The following PDE2A variants were observed in gnomAD, a reference collection of about 807,000 sequenced individuals.
The protein encoded by PDE2A is cGMP-dependent 3',5'-cyclic phosphodiesterase.
A neutral mutation model predicts 133.6 loss-of-function variants in PDE2A; 53 were observed. The ratio of observed to expected loss-of-function variants is 0.40; its 90% CI spans 0.32 to 0.50. The LOEUF (loss-of-function observed/expected upper bound fraction) is 0.50. Ranked by LOEUF, PDE2A falls within the 20% of genes least tolerant of loss-of-function variation. PDE2A has a pLI of 0.73. For synonymous variants in PDE2A, 491 were observed against 490.2 expected, an observed-to-expected ratio of 1.00 and a Z score of -0.02; for missense variants, 796 against 1,232.4, an observed-to-expected ratio of 0.65 and a Z score of 5.30.
chr11:72,647,992 T>C (rs1310797328), intron 1 of PDE2A, among the ~76,000 whole-genome samples: 1 of 152,062 alleles, frequency 6.6e-6, no homozygotes, highest in Admixed American at 6.5e-5. Flanking sequence ...CAGAAGTGAG[T>C]GTATATTCAC....
intron 12 of PDE2A, 46 bp downstream of exon 12, chr11:72,589,129 G>A: frequency 6.5e-7 from 1 of 1,531,088 alleles, no homozygotes; most frequent in Non-Finnish European, 9.0e-7. Flanking sequence ...GGGGCTGGCA[G>A]TGGGGTCTCC....
chr11:72,616,324 C>G (rs1857471056), intron 2 of PDE2A, among the ~76,000 whole-genome samples: 1 of 152,218 alleles, frequency 6.6e-6, no homozygotes, highest in Non-Finnish European at 1.5e-5. Flanking sequence ...CACTGCCCCC[C>G]TTTCCCCCAC....
rs752930918 is a variant in PDE2A at position 72,588,912 on chromosome 11, C to T, written c.942G>A (p.Glu314=). ...ACATGCTCTGCAGCTGTTGTACATC[C>T]TCCTGCAAAGGCGAGGCAAGTCAGG... The part of the protein sequence containing the change: ...KSIQLKDLTS[E]DVQQLQSMLG... The change falls in exon 13 of 31, where the codon GAG becomes GAA. Residue 314 remains glutamate (E), a splice_region_variant and synonymous_variant. Transcript: ENST00000334456. 5.0e-6 allele frequency: 8 copies of T among 1,600,574 alleles called. No homozygotes were observed. In the East Asian group the frequency reaches 1.3e-4, roughly 27 times the overall value.
intron 3 of PDE2A, 65 bp downstream of exon 3, chr11:72,608,597 A>T: frequency 1.2e-6 from 1 of 812,470 alleles, no homozygotes. Flanking sequence ...AGTGAGGTAC[A>T]GCATAGAGCT....
intron 27 of PDE2A, 38 bp downstream of exon 27, chr11:72,579,246 C>G (rs371170518): frequency 3.4e-6 from 5 of 1,478,044 alleles, no homozygotes. Context: ...CCTGGTTGTT[C>G]CTCCCCAGCC....
chr11:72,580,433 G>A (rs56350365), intron 25 of PDE2A, 144 bp downstream of exon 25: 301,839 of 692,186 alleles, frequency 0.44, 71,450 homozygotes, highest in Middle Eastern at 0.53. Context: ...CCAGGAAAAT[G>A]AGCCAGACAT....
chr11:72,595,711 C>A (rs1856449507), intron 6 of PDE2A, among the ~76,000 whole-genome samples: 1 of 152,164 alleles, frequency 6.6e-6, no homozygotes, highest in African/African-American at 2.4e-5. Context: ...ATGGCAGCCC[C>A]CTCGACAGAA....
chr11:72,580,731 A>C, intron 24 of PDE2A, 107 bp from the exon 25 acceptor site: 1 of 1,066,726 alleles, frequency 9.4e-7, no homozygotes, highest in Non-Finnish European at 1.4e-6. Flanking sequence ...CCTCCTCCCT[A>C]TCTCAGAGCC....
chr11:72,656,432 C>T (rs955638551), intron 1 of PDE2A, among the ~76,000 whole-genome samples: 22 of 152,056 alleles, frequency 1.4e-4, no homozygotes, highest in African/African-American at 5.1e-4. Flanking sequence ...TCCTGAGAGA[C>T]GGAGGAAGGA....
intron 19 of PDE2A, 43 bp downstream of exon 19, chr11:72,584,158 C>T (rs1855848632): frequency 2.4e-6 from 2 of 840,280 alleles, no homozygotes; most frequent in African/African-American, 1.7e-5. Flanking sequence ...TCGTGGGCCC[C>T]GCCCCCTATC....
intron 2 of PDE2A, among the ~76,000 whole-genome samples, chr11:72,617,800 G>C (rs867781744): frequency 6.6e-6 from 1 of 152,156 alleles, no homozygotes; most frequent in Non-Finnish European, 1.5e-5. Flanking sequence ...GGAGAAGAGC[G>C]GGGTCCACCC....
rs757233177 is a variant in PDE2A at position 72,597,664 on chromosome 11, G to A, written c.324-45C>T. The A allele has an allele frequency of 9.1e-6, 12 of 1,318,362 alleles. No homozygotes were observed. Among genetic ancestry groups the A allele is most frequent in the Middle Eastern group, 1.8e-4 (1 of 5,476 alleles). 81.7% of individuals were successfully genotyped at this position (1,318,362 alleles called of 1,614,324 possible). On this transcript the variant is annotated intron_variant, in intron 4 of 30. Transcript: ENST00000334456. This position sits in a 1 kb window ranked among gnomAD's most constrained non-coding sequence, Gnocchi z 4.6. ...CCACCTTGAGAGCCCCCGACTCAGGGAGGAACGAGGCCTGGCCTGGGAACA... is the reference window on the plus strand; with the variant it reads ...CCACCTTGAGAGCCCCCGACTCAGGAAGGAACGAGGCCTGGCCTGGGAACA...
Position 72,629,282 on chromosome 11 carries a change from G to A in PDE2A, c.144+12972C>T, listed in dbSNP as rs555169211. Among the ~76,000 whole-genome samples, 52 of 152,350 alleles carry A rather than the reference G, an allele frequency of 3.4e-4. No homozygotes were observed. The South Asian group carries it at 0.01, about 30-fold the overall frequency. ...AGGGCAGGCAGATGGCCTAGGCAGC[G>A]GGGGCTGCCCCAGAGGCATAGCAGG... is the stretch of plus-strand genomic sequence containing the variant. On this transcript the variant is annotated intron_variant, in intron 2 of 30. Coordinates refer to ENST00000334456, the MANE Select transcript of PDE2A (RefSeq NM_002599.5).
At chr11:72,589,330 A>G in intron 11 of PDE2A, 90 bp from the exon 12 acceptor site, 1 of 948,586 alleles carries the variant, frequency 1.1e-6, no homozygotes, top group Non-Finnish European at 1.7e-6. Context: ...TGGAAGTTTC[A>G]AAGAACCCTT....
chr11:72,601,495 CAGCTT>C (rs1413854936), intron 4 of PDE2A, among the ~76,000 whole-genome samples: 2 of 151,900 alleles, frequency 1.3e-5, no homozygotes, highest in Non-Finnish European at 2.9e-5. Context: ...AAGACCTGGT[CAGCTT>C]AGGGGAAGAA....
Position 72,579,351 on chromosome 11 carries a change from G to A in PDE2A, c.2289C>T (p.Asp763=). ...GGGCCAGGTCTGTGGCCAAGATGAT[G>A]TCCCGCATCAGATCCAGCATGCGCT... ...DYQRMLDLMR[D]IILATDLAHH... Residue 763 remains aspartate (D), a synonymous_variant, in exon 27 of 31, where the codon GAC becomes GAT. Coordinates refer to ENST00000334456, the MANE Select transcript of PDE2A (RefSeq NM_002599.5). The A allele has an allele frequency of 6.2e-7, 1 of 1,613,914 alleles. No individual in the cohort carries two copies. Among genetic ancestry groups the A allele is most frequent in the Middle Eastern group, 1.6e-4 (1 of 6,062 alleles).
intron 1 of PDE2A, among the ~76,000 whole-genome samples, chr11:72,653,728 C>A (rs1454098971): frequency 3.3e-5 from 5 of 152,210 alleles, no homozygotes; most frequent in Non-Finnish European, 7.4e-5. Flanking sequence ...GAGCTGGCCC[C>A]AGTCCTGGGC....
chr11:72,656,802 C>T lies in PDE2A; in HGVS notation c.72-14476G>A, dbSNP rs549049742. 5.3e-5 allele frequency among the ~76,000 whole-genome samples: 8 copies of T among 152,186 alleles called. No individual in the cohort carries two copies. The South Asian group carries it at 1.7e-3, about 32-fold the overall frequency. On this transcript the variant is annotated intron_variant, in intron 1 of 30. Coordinates refer to ENST00000334456, the MANE Select transcript of PDE2A (RefSeq NM_002599.5). ...TGTACTCTCAGTCTGTCTCTAGTGA[C>T]TTAAGCTTGAGCAAGTCACTTTCCC...
intron 2 of PDE2A, among the ~76,000 whole-genome samples, chr11:72,617,941 C>G (rs539358496): frequency 6.6e-6 from 1 of 152,306 alleles, no homozygotes; most frequent in African/African-American, 2.4e-5. Flanking sequence ...TGAGTGGGGT[C>G]CGTCTGGGGC....
Sources: allele counts gnomAD v4.1 joint callset (sites outside exome capture counted in the v4.1 genomes callset), GRCh38; gene constraint gnomAD v4.1.1; non-coding constraint Gnocchi (gnomAD v3.1); transcripts MANE v1.5; gene names NCBI Gene and HGNC (gene_info 2026-07-23, HGNC 2026-07-21).